CRADD: variants seen among roughly 807,000 people sequenced by gnomAD.
CRADD encodes death domain-containing protein CRADD.
Under a neutral mutation model 15.5 loss-of-function variants are expected in CRADD, and 9 were observed. The ratio of observed to expected loss-of-function variants is 0.58; its 90% CI spans 0.35 to 1.01. The LOEUF is 1.01. Among genes scored for constraint, CRADD ranks in the 50% least tolerant of loss-of-function variants. The pLI is 0.02. For missense variants in CRADD, 227 were observed against 250.3 expected (o/e 0.91, Z 0.63); for synonymous variants, 118 against 107.6 (o/e 1.10, Z -0.60).
chr12:93,835,855 T>G (rs1028667506), intron 2 of CRADD, among the ~76,000 whole-genome samples: 3 of 152,194 alleles, frequency 2.0e-5, no homozygotes, highest in African/African-American at 7.2e-5. Flanking sequence ...TTTGGGTGAC[T>G]GTGGCCTTTG....
chr12:93,756,867 C>G (rs917217262), intron 2 of CRADD, among the ~76,000 whole-genome samples: 1 of 152,208 alleles, frequency 6.6e-6, no homozygotes, highest in African/African-American at 2.4e-5. Flanking sequence ...GAAGGTATCT[C>G]TCATTCTCCT....
rs184880556 is a variant in CRADD at position 93,756,157 on chromosome 12, G to A, written c.298+77085G>A. On this transcript the variant is annotated intron_variant, in intron 2 of 2. Transcript: ENST00000332896. ...CTAAAACACTAAAAAATTTATTTAT[G>A]TTCATTACTTACTGAGTATTTGCCC... Among the ~76,000 whole-genome samples, 438 of 152,282 alleles carry A rather than the reference G, an allele frequency of 2.9e-3. 5 individuals carry two copies. Among genetic ancestry groups the A allele is most frequent in the Admixed American group, 0.022 (343 of 15,286 alleles).
At chr12:93,827,364 A>G (rs1957835863) in intron 2 of CRADD, among the ~76,000 whole-genome samples, 1 of 152,170 alleles carries the variant, frequency 6.6e-6, no homozygotes, top group Non-Finnish European at 1.5e-5. Flanking sequence ...AATTATTTTT[A>G]GATTTGTCCA....
intron 2 of CRADD, among the ~76,000 whole-genome samples, chr12:93,709,789 T>C (rs1172038435): frequency 3.3e-5 from 5 of 152,244 alleles, no homozygotes; most frequent in African/African-American, 1.2e-4. Flanking sequence ...AGTAATGGGA[T>C]TGCTGGGTCG....
chr12:93,846,012 C>G (rs1958111138), intron 2 of CRADD, among the ~76,000 whole-genome samples: 1 of 152,094 alleles, frequency 6.6e-6, no homozygotes, highest in African/African-American at 2.4e-5. Flanking sequence ...CTCCAAGTAC[C>G]TCATATGAAT....
intron 2 of CRADD, among the ~76,000 whole-genome samples, chr12:93,683,796 T>C (rs1955372483): frequency 6.6e-6 from 1 of 152,212 alleles, no homozygotes; most frequent in African/African-American, 2.4e-5. Context: ...TTGTGATGGG[T>C]TTATTAGAGA....
intron 2 of CRADD, among the ~76,000 whole-genome samples, chr12:93,771,537 A>C (rs1352302405): frequency 6.6e-6 from 1 of 152,226 alleles, no homozygotes; most frequent in Non-Finnish European, 1.5e-5. Flanking sequence ...TCTGTGTGAT[A>C]AATGAATTAA....
At chr12:93,701,467 A>C (rs1955843946) in intron 2 of CRADD, among the ~76,000 whole-genome samples, 1 of 152,184 alleles carries the variant, frequency 6.6e-6, no homozygotes, top group Non-Finnish European at 1.5e-5. Flanking sequence ...CATGGTCCTA[A>C]CTGGCTGCTG....
intron 2 of CRADD, among the ~76,000 whole-genome samples, chr12:93,759,824 C>T (rs976127487): frequency 6.6e-5 from 10 of 152,008 alleles, no homozygotes; most frequent in African/African-American, 2.4e-4. Flanking sequence ...CAGAAGTTGC[C>T]AAAGGAAAAT....
chr12:93,794,829 T>C (rs1198725417), intron 2 of CRADD, among the ~76,000 whole-genome samples: 3 of 152,216 alleles, frequency 2.0e-5, no homozygotes, highest in Admixed American at 6.5e-5. Context: ...TCACTACTGC[T>C]GTCACACAGA....
At chr12:93,742,128 C>T (rs1956678714) in intron 2 of CRADD, among the ~76,000 whole-genome samples, 1 of 152,138 alleles carries the variant, frequency 6.6e-6, no homozygotes, top group Non-Finnish European at 1.5e-5. Flanking sequence ...TTCATGTTAG[C>T]CCAAAATGAA....
chr12:93,764,315 C>A (rs1013494660), intron 2 of CRADD, among the ~76,000 whole-genome samples: 3 of 151,312 alleles, frequency 2.0e-5, no homozygotes, highest in Admixed American at 2.0e-4. Flanking sequence ...GTGGCCATGG[C>A]AGAGTTGCTG....
intron 2 of CRADD, among the ~76,000 whole-genome samples, chr12:93,795,907 C>A (rs1957410272): frequency 6.6e-6 from 1 of 152,108 alleles, no homozygotes; most frequent in African/African-American, 2.4e-5. Flanking sequence ...CTAGGGATGT[C>A]CCAGGGATTT....
chr12:93,828,678 T>A (rs1004145267), intron 2 of CRADD, among the ~76,000 whole-genome samples: 1 of 152,260 alleles, frequency 6.6e-6, no homozygotes, highest in Non-Finnish European at 1.5e-5. Flanking sequence ...CTTTCTCCTG[T>A]TTTATTGATC....
At chr12:93,890,823 A>G (rs1009140520) in intron 2 of CRADD, among the ~76,000 whole-genome samples, 3 of 148,546 alleles carry the variant, frequency 2.0e-5, no homozygotes, top group Non-Finnish European at 3.0e-5. Context: ...CAGTGGCACT[A>G]TTTGGCTCAC....
chr12:93,735,732 C>T lies in CRADD; in HGVS notation c.298+56660C>T, dbSNP rs930899987. 40 of 152,036 alleles carry T rather than the reference C, an allele frequency of 2.6e-4. 2 individuals carry two copies. Among genetic ancestry groups the T allele is most frequent in the African/African-American group, 8.9e-4 (37 of 41,370 alleles). The allele number at this position is 152,036 out of a possible 1,614,324, so 9.4% of individuals were successfully genotyped here. A position where few individuals can be genotyped will look rare whatever the true frequency, so the allele number is the denominator to read the frequency against. ...CCTGGGTGACAAAGTGAGACCCCAT[C>T]TCTACAAAAAGAAAGAAAAGAAAGA... On this transcript the variant is annotated intron_variant, in intron 2 of 2. Coordinates refer to ENST00000332896, the MANE Select transcript of CRADD (RefSeq NM_003805.5).
chr12:93,893,913 A>T, intron 2 of CRADD: 1 of 626,068 alleles, frequency 1.6e-6, no homozygotes, highest in Middle Eastern at 2.5e-4. Flanking sequence ...AAAGAAAAAA[A>T]AAAAAATAAG....
intron 2 of CRADD, among the ~76,000 whole-genome samples, chr12:93,840,478 A>G (rs2137039461): frequency 6.6e-6 from 1 of 152,122 alleles, no homozygotes; most frequent in South Asian, 2.1e-4. Flanking sequence ...ATATTTTTCT[A>G]TGTATTAGGT....
chr12:93,822,602 C>A (rs1957781132), intron 2 of CRADD, among the ~76,000 whole-genome samples: 1 of 152,136 alleles, frequency 6.6e-6, no homozygotes, highest in African/African-American at 2.4e-5. Flanking sequence ...AGTGATGGGA[C>A]AAGTTCCCAA....
Sources: gnomAD v4.1 joint callset for allele counts (sites outside exome capture counted in the v4.1 genomes callset) on GRCh38, gnomAD v4.1.1 for gene constraint, MANE v1.5 for transcripts, NCBI Gene and HGNC (gene_info 2026-07-23, HGNC 2026-07-21) for gene names.